SEMA4D: variants seen among roughly 807,000 people sequenced by gnomAD.
The protein encoded by SEMA4D is semaphorin 4D, also known as semaphorin-4D.
SEMA4D carries 22 observed loss-of-function variants against 74.8 expected under a neutral mutation model. That is an observed-to-expected ratio of 0.29 (90% CI 0.21 to 0.42). The LOEUF (loss-of-function observed/expected upper bound fraction) is 0.42. SEMA4D is among the 10% of genes least tolerant of loss of function. SEMA4D has a pLI of 1.00. For missense variants in SEMA4D, 937 were observed against 1,118.4 expected, an observed-to-expected ratio of 0.84 and a Z score of 2.31; for synonymous variants, 445 against 463.7, an observed-to-expected ratio of 0.96 and a Z score of 0.52.
chr9:89,374,879 CCT>C (rs1417931422), downstream of SEMA4D, among the ~76,000 whole-genome samples: 1 of 152,152 alleles, frequency 6.6e-6, no homozygotes, highest in East Asian at 1.9e-4. Context: ...ATGGCGAAAC[CCT>C]GTCTCTACTA....
chr9:89,363,743 G>A (rs1160767745), exon 17 of SEMA4D: 3 of 1,612,228 alleles, frequency 1.9e-6, no homozygotes, highest in Non-Finnish European at 2.5e-6. Context: ...TCACTTACCA[G>A]GTCTCATCAC....
chr9:89,414,785 C>T (rs560620403), intron 2 of SEMA4D, among the ~76,000 whole-genome samples: 3 of 152,304 alleles, frequency 2.0e-5, no homozygotes, highest in African/African-American at 7.2e-5. Flanking sequence ...TGTGTTGGGC[C>T]GGACTCACCC....
intron 2 of SEMA4D, among the ~76,000 whole-genome samples, chr9:89,453,517 AG>A (rs529297860): frequency 6.2e-4 from 95 of 152,368 alleles, no homozygotes; most frequent in African/African-American, 2.3e-3. Context: ...AGCTGCTGGA[AG>A]GCGATGGCCC....
chr9:89,422,316 A>C (rs1351206672), intron 2 of SEMA4D, among the ~76,000 whole-genome samples: 1 of 152,208 alleles, frequency 6.6e-6, no homozygotes, highest in Non-Finnish European at 1.5e-5. Flanking sequence ...TGTGGGGTGA[A>C]GGTGAGAGTC....
At chr9:89,423,953 C>A in intron 2 of SEMA4D, among the ~76,000 whole-genome samples, 1 of 145,022 alleles carries the variant, frequency 6.9e-6, no homozygotes, top group African/African-American at 2.6e-5. Context: ...CCCTCAGCAC[C>A]TCCACTCCCT....
chr9:89,482,396 G>A (rs904213319), intron 1 of SEMA4D, among the ~76,000 whole-genome samples: 4 of 152,206 alleles, frequency 2.6e-5, no homozygotes, highest in African/African-American at 9.7e-5. Context: ...ACTCGTTACG[G>A]TTTACACAGG....
intron 15 of SEMA4D, 125 bp downstream of exon 15, chr9:89,380,930 G>T: frequency 8.6e-7 from 1 of 1,156,096 alleles, no homozygotes; most frequent in East Asian, 2.5e-5. Context: ...CAGAACACTT[G>T]ACCTCTGTTC....
At chr9:89,442,068 A>G (rs943074734) in intron 2 of SEMA4D, among the ~76,000 whole-genome samples, 3 of 151,368 alleles carry the variant, frequency 2.0e-5, no homozygotes, top group Non-Finnish European at 2.9e-5. Flanking sequence ...CAGGCTGGTG[A>G]GTTCAGCATG....
chr9:89,455,433 G>A (rs760730958), intron 2 of SEMA4D, among the ~76,000 whole-genome samples: 2 of 152,184 alleles, frequency 1.3e-5, no homozygotes, highest in African/African-American at 2.4e-5. Flanking sequence ...ACCAGATCCC[G>A]AAGACCCCTA....
intron 3 of SEMA4D, among the ~76,000 whole-genome samples, chr9:89,403,474 T>C (rs1253790744): frequency 6.6e-6 from 1 of 152,196 alleles, no homozygotes; most frequent in Non-Finnish European, 1.5e-5. Flanking sequence ...GAAAAGAATG[T>C]TTTACTTCAA....
intron 1 of SEMA4D, among the ~76,000 whole-genome samples, chr9:89,458,736 C>T (rs1856557830): frequency 6.6e-6 from 1 of 151,630 alleles, no homozygotes; most frequent in Non-Finnish European, 1.5e-5. Context: ...TCCATACACA[C>T]TCATGCACAC....
intron 2 of SEMA4D, among the ~76,000 whole-genome samples, chr9:89,425,100 T>C (rs537495691): frequency 6.6e-6 from 1 of 152,284 alleles, no homozygotes; most frequent in South Asian, 2.1e-4. Context: ...AGCTCCCTAG[T>C]GAGGCCAGGG....
chr9:89,365,294 G>T, intron 16 of SEMA4D: 1 of 152,508 alleles, frequency 6.6e-6, no homozygotes. Context: ...TGGTGGGGCT[G>T]GGGAGGCCGG....
chr9:89,483,158 G>A (rs1824858988), intron 1 of SEMA4D, among the ~76,000 whole-genome samples: 1 of 152,212 alleles, frequency 6.6e-6, no homozygotes, highest in South Asian at 2.1e-4. Flanking sequence ...GCAGATCCCT[G>A]CACAGAGAGA....
intron 4 of SEMA4D, among the ~76,000 whole-genome samples, chr9:89,401,887 G>A (rs1192395018): frequency 6.6e-6 from 1 of 152,116 alleles, no homozygotes; most frequent in Non-Finnish European, 1.5e-5. Flanking sequence ...ATTGCGTTTT[G>A]CAATCTTTGA....
chr9:89,377,267 C>G lies in SEMA4D; in HGVS notation c.*1437G>C. ...TAGAAGCTTCTCATTTATTTGGGTA[C>G]TTTCCAAATGTATACAATTCAAAGT... On this transcript the variant is annotated 3_prime_UTR_variant, in exon 16 of 16. Transcript: ENST00000422704. 1.6e-6 allele frequency: 1 copy of G among 629,846 alleles called. No individual in the cohort carries two copies. Among genetic ancestry groups the G allele is most frequent in the Non-Finnish European group, 2.5e-6 (1 of 403,726 alleles). 39.0% of individuals were successfully genotyped at this position (629,846 alleles called of 1,614,324 possible).
intron 2 of SEMA4D, among the ~76,000 whole-genome samples, chr9:89,438,694 C>T (rs1055370641): frequency 6.6e-6 from 1 of 151,840 alleles, no homozygotes; most frequent in African/African-American, 2.4e-5. Context: ...AAGACGGAGT[C>T]TCGCTCTGTC....
chr9:89,474,088 A>T (rs974589561), intron 1 of SEMA4D, among the ~76,000 whole-genome samples: 1 of 152,000 alleles, frequency 6.6e-6, no homozygotes, highest in Non-Finnish European at 1.5e-5. Context: ...TCCCAGCCCA[A>T]AGGAGTTCCA....
intron 1 of SEMA4D, among the ~76,000 whole-genome samples, chr9:89,470,674 C>G (rs1045705962): frequency 6.6e-6 from 1 of 151,978 alleles, no homozygotes; most frequent in African/African-American, 2.4e-5. Flanking sequence ...CAAATGTTTA[C>G]AGCAGTTCTG....
Sources: gnomAD v4.1 joint callset for allele counts (sites outside exome capture counted in the v4.1 genomes callset) on GRCh38, gnomAD v4.1.1 for gene constraint, MANE v1.5 for transcripts, NCBI Gene and HGNC (gene_info 2026-07-23, HGNC 2026-07-21) for gene names.